PLP1: variants seen among roughly 807,000 people sequenced by gnomAD.
PLP1 encodes myelin proteolipid protein.
In PLP1, 2 loss-of-function variants were observed where a neutral mutation model predicts 18.5. The ratio of observed to expected loss-of-function variants is 0.11; its 90% CI spans 0.04 to 0.34. The LOEUF (loss-of-function observed/expected upper bound fraction) is 0.34, where lower values mean the gene tolerates loss of function less well. Ranked by LOEUF, PLP1 falls within the 10% of genes least tolerant of loss-of-function variation. PLP1 has a pLI of 1.00. For missense variants in PLP1, 105 were observed against 207.3 expected (o/e 0.51, Z 3.03); for synonymous variants, 86 against 83.2 (o/e 1.03, Z -0.19).
intron 6 of PLP1, 87 bp downstream of exon 6, chrX:103,789,485 C>T: frequency 6.9e-6 from 5 of 728,929 alleles, no homozygotes; most frequent in Non-Finnish European, 1.1e-5. Context: ...AGGTAGACTG[C>T]TTCCATCCTT....
intron 1 of PLP1, among the ~76,000 whole-genome samples, chrX:103,778,476 G>A (rs1351016326): frequency 2.7e-5 from 3 of 111,359 alleles, no homozygotes; most frequent in Non-Finnish European, 3.8e-5. Context: ...AATGTCAGCC[G>A]AGCTGACTGG....
upstream of PLP1, chrX:103,776,648 G>A (rs764682858): frequency 4.8e-5 from 12 of 248,368 alleles, no homozygotes; most frequent in Non-Finnish European, 7.8e-5. Context: ...GAAATTCCAG[G>A]CAAGCCTTAG....
chrX:103,788,531 AT>A (rs750182430), intron 5 of PLP1, 21 bp downstream of exon 5: 1 of 1,112,230 alleles, frequency 9.0e-7, no homozygotes, highest in South Asian at 1.8e-5. Context: ...TATTTGGGTT[AT>A]TTTACAAGGG....
At chrX:103,785,790 C>G in intron 2 of PLP1, 22 bp downstream of exon 2, 2 of 1,162,429 alleles carry the variant, frequency 1.7e-6, no homozygotes, top group Non-Finnish European at 2.4e-6. Context: ...CCCTCCCACA[C>G]AGACCCATCT....
chrX:103,786,753 A>T lies in PLP1; in HGVS notation c.453+27A>T, dbSNP rs1024889579. ...TGATCATCCTCAGGATTTTGTGGCA[A>T]TAACAAGGGGTGGGGGAAAATTGGG... is the stretch of plus-strand genomic sequence containing the variant. On this transcript the variant is annotated intron_variant, in intron 3 of 6. Coordinates refer to ENST00000621218, the MANE Select transcript of PLP1 (RefSeq NM_000533.5). 4 of 1,205,853 alleles carry T rather than the reference A, an allele frequency of 3.3e-6. No homozygotes were observed. In the African/African-American group the frequency reaches 7.0e-5, roughly 21 times the overall value.
rs1283059062 is a variant in PLP1, at chrX:103,786,601, G to T, written c.328G>T (p.Gly110Cys). Residue 110 changes from glycine to cysteine, a missense_variant, in exon 3 of 7, where the codon GGC becomes TGC. Physicochemically the swap from Gly to Cys is radical, Grantham distance 159. Transcript: ENST00000621218. ...TGGCGACTACAAGACCACCATCTGCGGCAAGGGCCTGAGCGCAACGGTAAC... is the reference window on the plus strand; with the variant it reads ...TGGCGACTACAAGACCACCATCTGCTGCAAGGGCCTGAGCGCAACGGTAAC... ...IFGDYKTTICGKGLSATVTGG... is the reference protein window; with the variant it reads ...IFGDYKTTICCKGLSATVTGG... 1.7e-6 allele frequency: 2 copies of T among 1,209,808 alleles called. No individual in the cohort carries two copies. The highest frequency in any genetic ancestry group is 3.5e-5 in the African/African-American group (2 of 57,071).
rs1349746380 is a variant in PLP1 at position 103,788,566 on chromosome X, C to T, written c.696+56C>T. 38 of 863,526 alleles carry T rather than the reference C, an allele frequency of 4.4e-5. No individual in the cohort carries two copies. The South Asian group carries it at 7.2e-4, about 16-fold the overall frequency. 71.2% of individuals were successfully genotyped at this position (863,526 alleles called of 1,213,427 possible). A position where few individuals can be genotyped will look rare whatever the true frequency, so the allele number is the denominator to read the frequency against. On this transcript the variant is annotated intron_variant, in intron 5 of 6. Coordinates refer to ENST00000621218, the MANE Select transcript of PLP1 (RefSeq NM_000533.5). The stretch of plus-strand genomic sequence containing the variant: ...GGAGTAGCTAATACCATACAAATTA[C>T]ACCCATGGCCTTCAATTTTAAGGAC...
chrX:103,785,454 G>C (rs1044489367), intron 1 of PLP1, 128 bp from the exon 2 acceptor site: 1 of 560,169 alleles, frequency 1.8e-6, no homozygotes, highest in African/African-American at 2.3e-5. Context: ...ACCTCTAGCC[G>C]CTCCTGCTTT....
intron 1 of PLP1, among the ~76,000 whole-genome samples, chrX:103,784,172 G>T (rs1382480836): frequency 9.0e-6 from 1 of 111,575 alleles, no homozygotes; most frequent in Non-Finnish European, 1.9e-5. Context: ...GTGACTTCTT[G>T]TGTGCCTCTC....
At chrX:103,790,102 C>T (rs2074532194) in intron 6 of PLP1, among the ~76,000 whole-genome samples, 1 of 112,364 alleles carries the variant, frequency 8.9e-6, no homozygotes. Flanking sequence ...AGTAATTTCT[C>T]ACCTTGTAAA....
intron 6 of PLP1, 152 bp downstream of exon 6, chrX:103,789,550 TCTA>T (rs889177154): frequency 3.8e-6 from 2 of 520,647 alleles, no homozygotes; most frequent in African/African-American, 4.6e-5. Flanking sequence ...GCTCCGTACT[TCTA>T]CTTGCATTGG....
At position 103,790,810 on chromosome X, in the gene PLP1, C is replaced by A; in HGVS notation, c.*212C>A. The A allele has an allele frequency of 4.6e-6, 2 of 434,613 alleles. No homozygotes were observed. The allele number at this position is 434,613 out of a possible 1,213,427, so 35.8% of individuals were successfully genotyped here. ...CTCTTTTAGTCATTTTGCTTCATAG[C>A]TGGTTCCTGCTAGAAATGGGAAATG... On this transcript the variant is annotated 3_prime_UTR_variant, in exon 7 of 7. Transcript: ENST00000621218.
chrX:103,790,179 C>A (rs2074532957), intron 6 of PLP1, among the ~76,000 whole-genome samples: 1 of 112,239 alleles, frequency 8.9e-6, no homozygotes, highest in South Asian at 3.7e-4. Context: ...ACAGCAAGCA[C>A]CCTATGACTC....
intron 1 of PLP1, among the ~76,000 whole-genome samples, chrX:103,783,563 G>A (rs1286117089): frequency 1.8e-5 from 2 of 112,176 alleles, no homozygotes; most frequent in Non-Finnish European, 3.8e-5. Flanking sequence ...TGAGAACAGA[G>A]GCAAATGCCT....
At chrX:103,785,141 T>C (rs1386708144) in intron 1 of PLP1, among the ~76,000 whole-genome samples, 1 of 110,858 alleles carries the variant, frequency 9.0e-6, no homozygotes, top group Non-Finnish European at 1.9e-5. Context: ...AATGGCGCAA[T>C]CTTGGCTCAC....
rs199732440 is a variant in PLP1, at chrX:103,788,424, G to T, written c.623-13G>T. ...ATAAAGCTTACCCTGCTTGCTTTTTGTGTCTTACTTAGGTGTTCTCCCATG... is the reference window on the plus strand; with the variant it reads ...ATAAAGCTTACCCTGCTTGCTTTTTTTGTCTTACTTAGGTGTTCTCCCATG... On this transcript the variant is annotated splice_polypyrimidine_tract_variant and intron_variant, in intron 4 of 6. Transcript: ENST00000621218. The T allele has an allele frequency of 1.8e-5, 21 of 1,190,740 alleles. No individual in the cohort carries two copies. The highest frequency in any genetic ancestry group is 1.8e-5 in the South Asian group (1 of 56,382).
Position 103,790,896 on chromosome X carries a change from C to A in PLP1, c.*298C>A. ...GGAATGGAGGCTCTAATTGAATTTT[C>A]AAGCATCTCCTGAGGATCAGAAAGT... On this transcript the variant is annotated 3_prime_UTR_variant, in exon 7 of 7. Transcript: ENST00000621218. 1 of 346,373 alleles carries A rather than the reference C, an allele frequency of 2.9e-6. No individual in the cohort carries two copies. The highest frequency in any genetic ancestry group is 2.6e-5 in the African/African-American group (1 of 39,120). The allele number at this position is 346,373 out of a possible 1,213,427, so 28.5% of individuals were successfully genotyped here. A position where few individuals can be genotyped will look rare whatever the true frequency, so the allele number is the denominator to read the frequency against.
rs774977774 is a variant in PLP1 at position 103,787,814 on chromosome X, A to G, written c.470A>G (p.Tyr157Cys). 9 of 1,210,078 alleles carry G rather than the reference A, an allele frequency of 7.4e-6. No homozygotes were observed. Among genetic ancestry groups the G allele is most frequent in the Admixed American group, 2.2e-5 (1 of 46,051 alleles). The change falls in exon 4 of 7, where the codon TAT (tyrosine) becomes TGT (cysteine). Residue 157 changes from tyrosine to cysteine, a missense_variant. Physicochemically the swap from Tyr to Cys is radical, Grantham distance 194. Transcript: ENST00000621218. ...GHPDKFVGIT[Y>C]ALTVVWLLVF... ...TCATTTTAGTTTGTGGGCATCACCT[A>G]TGCCCTGACCGTTGTGTGGCTCCTG...
rs1395664788 is a variant in PLP1, at chrX:103,790,846, T to G, written c.*248T>G. 1 of 404,685 alleles carries G rather than the reference T, an allele frequency of 2.5e-6. No homozygotes were observed. Among genetic ancestry groups the G allele is most frequent in the Non-Finnish European group, 4.3e-6 (1 of 231,083 alleles). The allele number at this position is 404,685 out of a possible 1,213,427, so 33.4% of individuals were successfully genotyped here. A position where few individuals can be genotyped will look rare whatever the true frequency, so the allele number is the denominator to read the frequency against. Reference sequence around the variant, plus strand: ...TAGAAATGGGAAATGCCTAAGAAGATGACTTCCCAACTGCAAGTCACAAAG... The same window carrying G: ...TAGAAATGGGAAATGCCTAAGAAGAGGACTTCCCAACTGCAAGTCACAAAG... On this transcript the variant is annotated 3_prime_UTR_variant, in exon 7 of 7. Coordinates refer to ENST00000621218, the MANE Select transcript of PLP1 (RefSeq NM_000533.5).
Sources: allele counts gnomAD v4.1 joint callset (sites outside exome capture counted in the v4.1 genomes callset), GRCh38; gene constraint gnomAD v4.1.1; transcripts MANE v1.5; gene names NCBI Gene and HGNC (gene_info 2026-07-23, HGNC 2026-07-21).